The following LYST variants were observed in gnomAD, a reference collection of about 807,000 sequenced individuals.
LYST encodes lysosomal-trafficking regulator.
In LYST, 192 loss-of-function variants were observed where a neutral mutation model predicts 413.6. That is an observed-to-expected ratio of 0.46 (90% confidence interval 0.41 to 0.52). The LOEUF is 0.52. LYST is among the 20% of genes least tolerant of loss of function. The pLI is 0.00. For synonymous variants in LYST, 1,525 were observed against 1,567.3 expected, an observed-to-expected ratio of 0.97 and a Z score of 0.64; for missense variants, 3,815 against 4,499.9, an observed-to-expected ratio of 0.85 and a Z score of 4.35.
At chr1:235,824,738 A>G (rs1675139133) in intron 3 of LYST, among the ~76,000 whole-genome samples, 1 of 152,170 alleles carries the variant, frequency 6.6e-6, no homozygotes, top group Non-Finnish European at 1.5e-5. Context: ...TTTAAAAACT[A>G]CCGCTGAGCG....
chr1:235,774,334 C>T (rs1669010459), intron 18 of LYST, among the ~76,000 whole-genome samples: 1 of 152,056 alleles, frequency 6.6e-6, no homozygotes, highest in South Asian at 2.1e-4. Context: ...ATGGATCTTG[C>T]AGTTTAAAGA....
intron 44 of LYST, among the ~76,000 whole-genome samples, chr1:235,706,578 A>T (rs2103111656): frequency 6.6e-6 from 1 of 152,226 alleles, no homozygotes; most frequent in East Asian, 1.9e-4. Flanking sequence ...TCTCTTGTTA[A>T]TCTGGGTTTT....
In LYST at chr1:235,746,499, A is replaced by C. The variant is rs755321635; in HGVS notation, c.7809T>G (p.Thr2603=). ...AGPRKFPLAQ[T]ESLLMKMRSV... ...AACGCATTTTCATCAGAAGCGATTC[A>C]GTTTGAGCAAGGGGAAATTTTCGAG... Residue 2603 remains threonine, a synonymous_variant, in exon 29 of 53, where the codon ACT becomes ACG. Coordinates refer to ENST00000389793, the MANE Select transcript of LYST (RefSeq NM_000081.4). 4 of 1,613,584 alleles carry C rather than the reference A, an allele frequency of 2.5e-6. No individual in the cohort carries two copies. In the South Asian group the frequency reaches 3.3e-5, roughly 13 times the overall value.
chr1:235,793,211 T>C (rs960573838), intron 11 of LYST, among the ~76,000 whole-genome samples: 2 of 152,224 alleles, frequency 1.3e-5, no homozygotes, highest in African/African-American at 4.8e-5. Flanking sequence ...TTAAGTTCTC[T>C]TTAGTAATTA....
At chr1:235,763,823 C>A (rs1667839525) in intron 21 of LYST, among the ~76,000 whole-genome samples, 1 of 152,068 alleles carries the variant, frequency 6.6e-6, no homozygotes, top group Non-Finnish European at 1.5e-5. Context: ...CAGGCTTTAT[C>A]ATCTCTCAAC....
rs1234559362 is a variant in LYST, at chr1:235,773,985, G to A, written c.5641C>T (p.Leu1881Phe). The part of the protein sequence containing the change: ...IVGFYILKTL[L>F]EGCCGEDIIY... The stretch of plus-strand genomic sequence containing the variant: ...ATATCTTCACCACAGCATCCTTCAA[G>A]AAGGGTCTATAGAAAATTAGCATTA... The change falls in exon 19 of 53, where the codon CTT (leucine) becomes TTT (phenylalanine). Residue 1881 changes from leucine to phenylalanine, a missense_variant. Leu to Phe is a conservative substitution (Grantham distance 22). Transcript: ENST00000389793. 1 of 1,603,046 alleles carries A rather than the reference G, an allele frequency of 6.2e-7. No individual in the cohort carries two copies. Among genetic ancestry groups the A allele is most frequent in the East Asian group, 2.2e-5 (1 of 44,704 alleles).
intron 1 of LYST, among the ~76,000 whole-genome samples, chr1:235,864,661 G>A (rs1486596658): frequency 2.0e-5 from 3 of 152,236 alleles, no homozygotes; most frequent in Non-Finnish European, 2.9e-5. Flanking sequence ...GCCGAGCGCA[G>A]TGGCTCACGC....
intron 1 of LYST, among the ~76,000 whole-genome samples, chr1:235,845,644 G>GT (rs916199171): frequency 6.6e-6 from 1 of 151,886 alleles, no homozygotes; most frequent in African/African-American, 2.4e-5. Context: ...CGGCAGTTAG[G>GT]GGGGACACGG....
intron 7 of LYST, among the ~76,000 whole-genome samples, chr1:235,803,962 A>T (rs1378116420): frequency 6.6e-6 from 1 of 152,192 alleles, no homozygotes; most frequent in Non-Finnish European, 1.5e-5. Flanking sequence ...CAAGCCAATT[A>T]TGTACCACAT....
intron 10 of LYST, among the ~76,000 whole-genome samples, chr1:235,795,963 A>T (rs1225351791): frequency 1.3e-5 from 2 of 152,070 alleles, no homozygotes; most frequent in African/African-American, 4.8e-5. Flanking sequence ...AATAACCAGA[A>T]AACAATCAAA....
chr1:235,869,543 A>G (rs1680840646), upstream of LYST, among the ~76,000 whole-genome samples: 2 of 152,254 alleles, frequency 1.3e-5, no homozygotes, highest in Non-Finnish European at 1.5e-5. Context: ...TTTAAGCAGG[A>G]AAGTCTTCAG....
chr1:235,872,275 A>G (rs2891664), intron 1 of LYST, among the ~76,000 whole-genome samples: 137,252 of 148,404 alleles, frequency 0.92, 63,602 homozygotes, highest in East Asian at 1. Flanking sequence ...CAGCCCAGGC[A>G]ACGGAGTGAC....
chr1:235,847,929 C>T (rs1184567167), intron 1 of LYST, among the ~76,000 whole-genome samples: 1 of 152,070 alleles, frequency 6.6e-6, no homozygotes. Context: ...GACAGCAACA[C>T]AATAATAGTG....
Position 235,695,703 on chromosome 1 carries a change from G to C in LYST, c.10564+1380C>G, listed in dbSNP as rs546694527. 3.5e-5 allele frequency among the ~76,000 whole-genome samples: 5 copies of C among 143,894 alleles called. No individual in the cohort carries two copies. In the South Asian group the frequency reaches 1.1e-3, roughly 32 times the overall value. The allele number at this position is 143,894 out of a possible 152,430, so 94.4% of individuals were successfully genotyped here. A position where few individuals can be genotyped will look rare whatever the true frequency, so the allele number is the denominator to read the frequency against. On this transcript the variant is annotated intron_variant, in intron 46 of 52. Transcript: ENST00000389793. Reference sequence around the variant, plus strand: ...GCTGGAGTGCAATGGTGCGATCTTGGCTCACTGCAAGCTCCGCCTCATGGG... The same window carrying C: ...GCTGGAGTGCAATGGTGCGATCTTGCCTCACTGCAAGCTCCGCCTCATGGG...
At chr1:235,788,636 A>T in intron 13 of LYST, 65 bp downstream of exon 13, 1 of 1,485,594 alleles carries the variant, frequency 6.7e-7, no homozygotes, top group Non-Finnish European at 9.3e-7. Context: ...ATTTCACATT[A>T]ATGTCTCTTA....
chr1:235,845,162 C>T (rs1323831527), intron 1 of LYST, among the ~76,000 whole-genome samples: 2 of 152,164 alleles, frequency 1.3e-5, no homozygotes, highest in Non-Finnish European at 2.9e-5. Flanking sequence ...ACTGTGAGTG[C>T]CCCAACTGTG....
intron 42 of LYST, chr1:235,712,694 C>T (rs1333854590): frequency 1.6e-5 from 16 of 983,946 alleles, no homozygotes; most frequent in African/African-American, 8.8e-5. Flanking sequence ...TCTTTTTTTT[C>T]GGGGGGGTGC....
intron 21 of LYST, among the ~76,000 whole-genome samples, chr1:235,764,217 C>T (rs1453897271): frequency 2.0e-5 from 3 of 152,094 alleles, no homozygotes; most frequent in African/African-American, 7.2e-5. Context: ...TCTATGCTAC[C>T]AGAAAACAAA....
chr1:235,762,713 T>C lies in LYST; in HGVS notation c.6253+7A>G, dbSNP rs1476636316. The C allele has an allele frequency of 6.2e-7, 1 of 1,612,562 alleles. No individual in the cohort carries two copies. The highest frequency in any genetic ancestry group is 8.5e-7 in the Non-Finnish European group (1 of 1,178,826). On this transcript the variant is annotated splice_region_variant and intron_variant, in intron 22 of 52. Coordinates refer to ENST00000389793, the MANE Select transcript of LYST (RefSeq NM_000081.4). Reference sequence around the variant, plus strand: ...GAAGGTCATACTTCCATTATTGCTATTTTTACCTTCATATGGTGAAGCAGT... The same window carrying C: ...GAAGGTCATACTTCCATTATTGCTACTTTTACCTTCATATGGTGAAGCAGT...
Sources: allele counts gnomAD v4.1 joint callset (sites outside exome capture counted in the v4.1 genomes callset), GRCh38; gene constraint gnomAD v4.1.1; transcripts MANE v1.5; gene names NCBI Gene and HGNC (gene_info 2026-07-23, HGNC 2026-07-21).